SLC6A9: variants seen among roughly 807,000 people sequenced by gnomAD.
The protein encoded by SLC6A9 is sodium- and chloride-dependent glycine transporter 1.
SLC6A9 carries 31 observed loss-of-function variants against 70.9 expected under a neutral mutation model. The ratio of observed to expected loss-of-function variants is 0.44; its 90% confidence interval spans 0.33 to 0.59. The LOEUF (loss-of-function observed/expected upper bound fraction) is 0.59. Ranked by LOEUF, SLC6A9 falls within the 20% of genes least tolerant of loss-of-function variation. The pLI is 0.04. For missense variants in SLC6A9, 631 were observed against 845.2 expected, an observed-to-expected ratio of 0.75 and a Z score of 3.14; for synonymous variants, 310 against 341.3, an observed-to-expected ratio of 0.91 and a Z score of 1.01.
intron 2 of SLC6A9, 139 bp from the exon 3 acceptor site, chr1:44,011,021 G>T: frequency 1.2e-6 from 1 of 862,086 alleles, no homozygotes; most frequent in Non-Finnish European, 1.8e-6. Flanking sequence ...GGAGCTTCAG[G>T]CAGGCCTGGC....
At position 44,010,994 on chromosome 1, in the gene SLC6A9, C is replaced by T. The variant is rs985077999; in HGVS notation, c.31-112G>A. ...GGCCCCTCCAACACCCCTCCCCGGG[C>T]TTCCCCTCTGCTGGCAGGAGCTTCA... On this transcript the variant is annotated intron_variant, in intron 2 of 13. Transcript: ENST00000372310. 2.3e-5 allele frequency: 26 copies of T among 1,134,330 alleles called. No individual in the cohort carries two copies. In the Middle Eastern group the frequency reaches 1.0e-3, roughly 46 times the overall value. 70.3% of individuals were successfully genotyped at this position (1,134,330 alleles called of 1,614,324 possible).
At chr1:44,017,091 T>A (rs1460571378) in intron 2 of SLC6A9, 2 of 1,605,874 alleles carry the variant, frequency 1.2e-6, no homozygotes, top group East Asian at 2.3e-5. Flanking sequence ...GCCGCGGCCA[T>A]CCTGGGGCGA....
At chr1:44,007,363 G>A (rs757957633) in intron 5 of SLC6A9, among the ~76,000 whole-genome samples, 3 of 152,192 alleles carry the variant, frequency 2.0e-5, no homozygotes, top group Non-Finnish European at 2.9e-5. Flanking sequence ...GAGCAGAGGC[G>A]TGAATGTTGT....
At chr1:44,000,688 G>C in intron 12 of SLC6A9, 79 bp downstream of exon 12, 2 of 941,938 alleles carry the variant, frequency 2.1e-6, no homozygotes, top group Non-Finnish European at 3.3e-6. Flanking sequence ...AGCTCCCACT[G>C]TCCCTCCGCT....
At chr1:44,017,165 A>ACGCATCCCCTGCCTCTCCCACTGC in intron 2 of SLC6A9, 1 of 1,601,206 alleles carries the variant, frequency 6.2e-7, no homozygotes, top group Non-Finnish European at 8.5e-7. Context: ...CGCGACACTG[A>ACGCATCCCCTGCCTCTCCCACTGC]CGCATCCCCT....
chr1:44,029,828 C>A (rs893118627), intron 1 of SLC6A9, among the ~76,000 whole-genome samples: 6 of 152,196 alleles, frequency 3.9e-5, no homozygotes, highest in African/African-American at 9.7e-5. Flanking sequence ...CAGTGTCGCC[C>A]ATTAGTCCCT....
At chr1:44,028,143 C>T (rs909968223) in intron 1 of SLC6A9, among the ~76,000 whole-genome samples, 1 of 152,068 alleles carries the variant, frequency 6.6e-6, no homozygotes, top group Admixed American at 6.5e-5. Flanking sequence ...GGCAAAGTGG[C>T]AATAATGAGG....
At chr1:44,012,923 C>T (rs549666224) in intron 2 of SLC6A9, among the ~76,000 whole-genome samples, 1 of 152,324 alleles carries the variant, frequency 6.6e-6, no homozygotes, top group East Asian at 1.9e-4. Context: ...GTGGCAAGAT[C>T]ACAGAGTCAA....
At chr1:44,009,837 G>C (rs1336973374) in intron 4 of SLC6A9, 128 bp downstream of exon 4, 4 of 1,130,932 alleles carry the variant, frequency 3.5e-6, no homozygotes, top group African/African-American at 1.6e-5. Flanking sequence ...CGTTGATGTG[G>C]GGCTTGGGGT....
intron 2 of SLC6A9, among the ~76,000 whole-genome samples, chr1:44,021,787 C>T (rs1213772423): frequency 6.6e-6 from 1 of 152,216 alleles, no homozygotes; most frequent in Non-Finnish European, 1.5e-5. Flanking sequence ...GACTGGGCTG[C>T]CTGTGTTAGA....
At chr1:44,022,736 T>TTTTTTTTTTTTG (rs2086910581) in intron 2 of SLC6A9, among the ~76,000 whole-genome samples, 1 of 147,548 alleles carries the variant, frequency 6.8e-6, no homozygotes, top group Non-Finnish European at 1.5e-5. Flanking sequence ...TTTTTTTTTT[T>TTTTTTTTTTTTG]GAGACAGAGC....
At chr1:44,029,878 T>C (rs534692870) in intron 1 of SLC6A9, among the ~76,000 whole-genome samples, 1 of 152,362 alleles carries the variant, frequency 6.6e-6, no homozygotes, top group East Asian at 1.9e-4. Context: ...AACCTTCTGA[T>C]GCTCCCTCAC....
At chr1:44,029,747 G>A (rs901207470) in intron 1 of SLC6A9, among the ~76,000 whole-genome samples, 31 of 152,114 alleles carry the variant, frequency 2.0e-4, no homozygotes, top group Middle Eastern at 3.2e-3. Flanking sequence ...AGCAGGTACA[G>A]CCGCAGTCGC....
At chr1:44,000,318 C>T (rs1557666865) in intron 12 of SLC6A9, among the ~76,000 whole-genome samples, 1 of 152,252 alleles carries the variant, frequency 6.6e-6, no homozygotes, top group Non-Finnish European at 1.5e-5. Context: ...TGCAAAGTTG[C>T]CCCCATGCAG....
chr1:43,999,067 C>T (rs1250042577), intron 12 of SLC6A9, among the ~76,000 whole-genome samples: 1 of 152,002 alleles, frequency 6.6e-6, no homozygotes, highest in Non-Finnish European at 1.5e-5. Context: ...GCAAGACCCA[C>T]ATCCAAATTG....
At chr1:44,028,573 T>G (rs759085367) in intron 1 of SLC6A9, among the ~76,000 whole-genome samples, 1 of 152,006 alleles carries the variant, frequency 6.6e-6, no homozygotes, top group South Asian at 2.1e-4. Flanking sequence ...CTGACCGACA[T>G]GGAGAAACCC....
rs143546820 is a variant in SLC6A9 at position 44,018,597 on chromosome 1, A to AAATAATAATAATAAT, written c.30+5636_30+5650dup. ...CAGCAAGAGCAAAACTCTCTCTCTA[A>AAATAATAATAATAAT]AATAATAATAATAATAATAATAATA... On this transcript the variant is annotated intron_variant, in intron 2 of 13. Coordinates refer to ENST00000372310, the MANE Select transcript of SLC6A9 (RefSeq NM_001024845.3). The surrounding 1 kb of genome is among the most constrained non-coding windows in gnomAD (Gnocchi z 4.2). 1.3e-4 allele frequency among the ~76,000 whole-genome samples: 19 copies of AAATAATAATAATAAT among 142,290 alleles called. No homozygotes were observed. Among genetic ancestry groups the AAATAATAATAATAAT allele is most frequent in the African/African-American group, 5.0e-4 (19 of 38,148 alleles). 93.3% of individuals were successfully genotyped at this position (142,290 alleles called of 152,430 possible). A position where few individuals can be genotyped will look rare whatever the true frequency, so the allele number is the denominator to read the frequency against.
intron 8 of SLC6A9, among the ~76,000 whole-genome samples, chr1:44,001,888 C>T (rs1285768670): frequency 6.6e-6 from 1 of 152,268 alleles, no homozygotes; most frequent in African/African-American, 2.4e-5. Flanking sequence ...CCACCACACC[C>T]AGCTAATTTT....
At chr1:44,008,682 T>A in intron 4 of SLC6A9, 59 bp from the exon 5 acceptor site, 1 of 1,370,542 alleles carries the variant, frequency 7.3e-7, no homozygotes, top group Non-Finnish European at 1.0e-6. Context: ...GAGGTGAGGT[T>A]AATAATTTCT....
Sources: allele counts gnomAD v4.1 joint callset (sites outside exome capture counted in the v4.1 genomes callset), GRCh38; gene constraint gnomAD v4.1.1; non-coding constraint Gnocchi (gnomAD v3.1); transcripts MANE v1.5; gene names NCBI Gene and HGNC (gene_info 2026-07-23, HGNC 2026-07-21).